The following HAGH variants were observed in gnomAD, a reference collection of about 807,000 sequenced individuals.
HAGH encodes hydroxyacylglutathione hydrolase.
In HAGH, 29 loss-of-function variants were observed where a neutral mutation model predicts 35.1. The observed-to-expected ratio is 0.83, with a 90% CI of 0.62 to 1.13. HAGH has a LOEUF of 1.13. Among genes scored for constraint, HAGH ranks in the 50% most tolerant of loss-of-function variants. HAGH has a pLI of 0.00. For synonymous variants in HAGH, 225 were observed against 176.1 expected (o/e 1.28, Z -2.20); for missense variants, 478 against 419.6 (o/e 1.14, Z -1.22).
Position 1,823,030 on chromosome 16 carries a change from G to A in HAGH, c.84C>T (p.Ala28=). The change falls in exon 2 of 9, where the codon GCC becomes GCT. Residue 28 remains alanine (A), a synonymous_variant. Transcript: ENST00000397356. ...CTGTGTGGCAGAAAACTCCCAGCAGGGCTGGACCTGCAGACACAGAGCACA... is the reference window on the plus strand; with the variant it reads ...CTGTGTGGCAGAAAACTCCCAGCAGAGCTGGACCTGCAGACACAGAGCACA... ...AACARRGLGP[A]LLGVFCHTDL... is the part of the protein sequence containing the mutation. The A allele has an allele frequency of 6.2e-7, 1 of 1,613,518 alleles. No homozygotes were observed. Among genetic ancestry groups the A allele is most frequent in the South Asian group, 1.1e-5 (1 of 91,058 alleles).
In HAGH at chr16:1,809,295, C is replaced by T; in HGVS notation, c.915G>A (p.Met305Ile). The T allele has an allele frequency of 3.1e-6, 5 of 1,609,190 alleles. No individual in the cohort carries two copies. The highest frequency in any genetic ancestry group is 3.4e-6 in the Non-Finnish European group (4 of 1,176,328). Residue 305 changes from methionine to isoleucine, a missense_variant, in exon 9 of 9, where the codon ATG becomes ATA. Transcript: ENST00000397356. ...AVRREKDQFK[M>I]PRD ...GTGCAGGGCGGCCTCAGTCCCGGGG[C>T]ATCTTGAACTGGTCCTTCTCCCTGC...
chr16:1,816,865 G>C, intron 7 of HAGH, 28 bp downstream of exon 7: 1 of 1,416,064 alleles, frequency 7.1e-7, no homozygotes, highest in Non-Finnish European at 1.0e-6. Context: ...CCCACAGGAA[G>C]GCACTGCGCA....
Position 1,808,984 on chromosome 16 carries a change from G to T in HAGH, c.*299C>A. 1 of 370,638 alleles carries T rather than the reference G, an allele frequency of 2.7e-6. No homozygotes were observed. Among genetic ancestry groups the T allele is most frequent in the Non-Finnish European group, 4.9e-6 (1 of 203,380 alleles). The allele number at this position is 370,638 out of a possible 1,614,324, so 23.0% of individuals were successfully genotyped here. ...CAGCCAAGGCCACAGCAAAGGCACC[G>T]GCTCACGCCTGACCTGAAGCGTGGG... On this transcript the variant is annotated 3_prime_UTR_variant, in exon 9 of 9. Coordinates refer to ENST00000397356, the MANE Select transcript of HAGH (RefSeq NM_005326.6).
Position 1,819,219 on chromosome 16 carries a change from C to A in HAGH, c.437G>T (p.Gly146Val), listed in dbSNP as rs1386866442. The A allele has an allele frequency of 6.2e-7, 1 of 1,605,018 alleles. No homozygotes were observed. Among genetic ancestry groups the A allele is most frequent in the African/African-American group, 1.3e-5 (1 of 74,766 alleles). ...CGCCAGGCACTTGACGTTCAGAGAC[C>A]CCACCTTCAACAAAGCAGGCGACCG... Reference protein sequence around the residue: ...KITHLSTLQVGSLNVKCLATP... With the variant: ...KITHLSTLQVVSLNVKCLATP... Residue 146 changes from glycine to valine, a missense_variant, in exon 5 of 9, where the codon GGG becomes GTG. Coordinates refer to ENST00000397356, the MANE Select transcript of HAGH (RefSeq NM_005326.6).
At position 1,816,873 on chromosome 16, in the gene HAGH, G is replaced by A. The variant is rs376473340; in HGVS notation, c.747+20C>T. The A allele has an allele frequency of 7.2e-5, 109 of 1,514,584 alleles. No individual in the cohort carries two copies. The highest frequency in any genetic ancestry group is 3.2e-4 in the East Asian group (14 of 44,406). 93.8% of individuals were successfully genotyped at this position (1,514,584 alleles called of 1,614,324 possible). On this transcript the variant is annotated intron_variant, in intron 7 of 8. Transcript: ENST00000397356. ...TGAGCAGCCCACAGGAAGGCACTGCGCAGTGACGGCCCCACTCACCTTGGC... is the reference window on the plus strand; with the variant it reads ...TGAGCAGCCCACAGGAAGGCACTGCACAGTGACGGCCCCACTCACCTTGGC...
chr16:1,816,830 C>T (rs370588532), intron 7 of HAGH, 63 bp downstream of exon 7: 32 of 1,032,390 alleles, frequency 3.1e-5, no homozygotes, highest in Middle Eastern at 2.1e-4. Flanking sequence ...CTGGCGACCC[C>T]GCTGTGCACA....
intron 7 of HAGH, among the ~76,000 whole-genome samples, chr16:1,811,933 G>C (rs1214330500): frequency 1.3e-5 from 2 of 152,188 alleles, no homozygotes; most frequent in Admixed American, 1.3e-4. Flanking sequence ...GCACATGCCT[G>C]TAATCCCAGC....
rs1217131320 is a variant in HAGH, at chr16:1,814,956, CAT to C, written c.747+1935_747+1936del. On this transcript the variant is annotated intron_variant, in intron 7 of 8. Coordinates refer to ENST00000397356, the MANE Select transcript of HAGH (RefSeq NM_005326.6). ...ACACACACACACACACACACACACACATATATATATATATCTCACAAAGACTT... is the reference window on the plus strand; with the variant it reads ...ACACACACACACACACACACACACACATATATATATATCTCACAAAGACTT... 3.3e-3 allele frequency among the ~76,000 whole-genome samples: 421 copies of C among 126,516 alleles called. 1 individual carries two copies. The highest frequency in any genetic ancestry group is 4.8e-3 in the East Asian group (20 of 4,160). The allele number at this position is 126,516 out of a possible 152,430, so 83.0% of individuals were successfully genotyped here. A position where few individuals can be genotyped will look rare whatever the true frequency, so the allele number is the denominator to read the frequency against.
intron 7 of HAGH, among the ~76,000 whole-genome samples, chr16:1,815,827 T>C (rs1897864826): frequency 6.6e-6 from 1 of 151,950 alleles, no homozygotes; most frequent in South Asian, 2.1e-4. Context: ...AAGACGAGCC[T>C]GGCCAACATG....
intron 7 of HAGH, 65 bp downstream of exon 7, chr16:1,816,828 C>A: frequency 1.0e-6 from 1 of 999,952 alleles, no homozygotes; most frequent in South Asian, 1.3e-5. Flanking sequence ...CTCTGGCGAC[C>A]CCGCTGTGCA....
intron 1 of HAGH, among the ~76,000 whole-genome samples, 165 bp from the exon 2 acceptor site, chr16:1,823,202 T>C (rs1596940935): frequency 6.6e-6 from 1 of 151,828 alleles, no homozygotes; most frequent in African/African-American, 2.4e-5. Flanking sequence ...GAGACTGAGA[T>C]GGGAGGACTG....
chr16:1,821,575 G>A (rs1378024428), intron 3 of HAGH: 1 of 152,234 alleles, frequency 6.6e-6, no homozygotes, highest in African/African-American at 2.4e-5. Context: ...CCCAGACAGG[G>A]CATTTTATTC....
rs752083005 is a variant in HAGH at position 1,817,148 on chromosome 16, C to T, written c.645+20G>A. ...GGTTAAGGCCCCCCACACCCCGGCCCGCAGGGAGGCGCTGCCTACTGTGTC... is the reference window on the plus strand; with the variant it reads ...GGTTAAGGCCCCCCACACCCCGGCCTGCAGGGAGGCGCTGCCTACTGTGTC... On this transcript the variant is annotated intron_variant, in intron 6 of 8. Transcript: ENST00000397356. 3.9e-6 allele frequency: 6 copies of T among 1,537,780 alleles called. No individual in the cohort carries two copies. The highest frequency in any genetic ancestry group is 1.1e-5 in the South Asian group (1 of 89,608).
rs1439671207 is a variant in HAGH at position 1,814,956 on chromosome 16, C to CACATAT, written c.747+1936_747+1937insATATGT. ...ACACACACACACACACACACACACA[C>CACATAT]ATATATATATATATCTCACAAAGAC... is the stretch of plus-strand genomic sequence containing the variant. On this transcript the variant is annotated intron_variant, in intron 7 of 8. Coordinates refer to ENST00000397356, the MANE Select transcript of HAGH (RefSeq NM_005326.6). Among the ~76,000 whole-genome samples the CACATAT allele has an allele frequency of 1.7e-4, 21 of 126,520 alleles. No individual in the cohort carries two copies. In the South Asian group the frequency reaches 4.0e-3, roughly 24 times the overall value. The allele number at this position is 126,520 out of a possible 152,430, so 83.0% of individuals were successfully genotyped here.
At chr16:1,823,316 G>A (rs1202565349) in intron 1 of HAGH, among the ~76,000 whole-genome samples, 1 of 149,400 alleles carries the variant, frequency 6.7e-6, no homozygotes, top group African/African-American at 2.5e-5. Context: ...CGCCCAGGCT[G>A]GAGTGCAGTG....
chr16:1,819,461 C>T (rs530949547), intron 4 of HAGH, among the ~76,000 whole-genome samples: 35 of 152,366 alleles, frequency 2.3e-4, no homozygotes, highest in Middle Eastern at 3.4e-3. Flanking sequence ...CTTGTTTCCT[C>T]CTTCAAAACT....
intron 7 of HAGH, among the ~76,000 whole-genome samples, chr16:1,812,058 G>A (rs1034833773): frequency 2.6e-5 from 4 of 151,960 alleles, no homozygotes; most frequent in African/African-American, 9.7e-5. Flanking sequence ...CAAGCATGAT[G>A]GCACAGGCCT....
rs1897510048 is a variant in HAGH, at chr16:1,809,037, AG to A, written c.*245del. ...GGGGGACTGCAGTGGCTCACGGAGGAGGAAGGAGGCCCGAGGGGACAAGCAG... is the reference window on the plus strand; with the variant it reads ...GGGGGACTGCAGTGGCTCACGGAGGAGAAGGAGGCCCGAGGGGACAAGCAG... On this transcript the variant is annotated 3_prime_UTR_variant, in exon 9 of 9. Coordinates refer to ENST00000397356, the MANE Select transcript of HAGH (RefSeq NM_005326.6). 1 of 470,264 alleles carries A rather than the reference AG, an allele frequency of 2.1e-6. No homozygotes were observed. The highest frequency in any genetic ancestry group is 3.5e-5 in the Admixed American group (1 of 28,752). 29.1% of individuals were successfully genotyped at this position (470,264 alleles called of 1,614,324 possible).
At chr16:1,814,626 G>A (rs1462555258) in intron 7 of HAGH, among the ~76,000 whole-genome samples, 3 of 152,162 alleles carry the variant, frequency 2.0e-5, no homozygotes, top group East Asian at 1.9e-4. Flanking sequence ...TCAGCTGGGC[G>A]TGGTGGGTCA....
Sources: allele counts gnomAD v4.1 joint callset (sites outside exome capture counted in the v4.1 genomes callset), GRCh38; gene constraint gnomAD v4.1.1; transcripts MANE v1.5; gene names NCBI Gene and HGNC (gene_info 2026-07-23, HGNC 2026-07-21).